OR1N1: variants seen among roughly 807,000 people sequenced by gnomAD.
The protein encoded by OR1N1 is olfactory receptor family 1 subfamily N member 1, also known as olfactory receptor 1N1.
For synonymous variants in OR1N1, 130 were observed against 151.2 expected (o/e 0.86, Z 1.03); for missense variants, 388 against 391.9 (o/e 0.99, Z 0.08).
Position 122,526,753 on chromosome 9 carries a change from G to A in OR1N1, c.541C>T (p.Pro181Ser). The change falls in exon 1 of 1, where the codon CCT (proline) becomes TCT (serine). Residue 181 changes from proline to serine, a missense_variant. Pro to Ser is a moderately conservative substitution (Grantham distance 74, BLOSUM62 -1). Transcript: ENST00000304880. ...EIAHFFCDIT[P>S]VLKLSCSDTH... ...TCAGAACATGACAGCTTCAGGACAGGAGTGATGTCACAGAAAAAGTGAGCA... is the reference window on the plus strand; with the variant it reads ...TCAGAACATGACAGCTTCAGGACAGAAGTGATGTCACAGAAAAAGTGAGCA... 1.2e-6 allele frequency: 2 copies of A among 1,614,148 alleles called. No individual in the cohort carries two copies. Among genetic ancestry groups the A allele is most frequent in the Non-Finnish European group, 1.7e-6 (2 of 1,180,012 alleles).
At position 122,526,523 on chromosome 9, in the gene OR1N1, G is replaced by A. The variant is rs550175192; in HGVS notation, c.771C>T (p.Tyr257=). The change falls in exon 1 of 1, where the codon TAC becomes TAT. Residue 257 remains tyrosine, a synonymous_variant. Transcript: ENST00000304880. ...CAGAGGCAATGGAGGGAGGACACAG[G>A]TAGGCACTGAAGAGGGTCCCATAGA... is the stretch of plus-strand genomic sequence containing the variant. The part of the protein sequence containing the change: ...CVFYGTLFSA[Y]LCPPSIASEE... 3.1e-6 allele frequency: 5 copies of A among 1,601,902 alleles called. No homozygotes were observed. The highest frequency in any genetic ancestry group is 4.3e-6 in the Non-Finnish European group (5 of 1,174,120).
rs1564187858 is a variant in OR1N1, at chr9:122,526,734, CAT to C, written c.558_559del (p.Cys187PhefsTer2). The C allele has an allele frequency of 6.2e-7, 1 of 1,614,138 alleles. No individual in the cohort carries two copies. Among genetic ancestry groups the C allele is most frequent in the Middle Eastern group, 1.6e-4 (1 of 6,062 alleles). ...CATCTCGTTGATGTGGGTGTCAGAA[CAT>C]GACAGCTTCAGGACAGGAGTGATGT... On this transcript the variant is annotated frameshift_variant, in exon 1 of 1. Coordinates refer to ENST00000304880, the MANE Select transcript of OR1N1 (RefSeq NM_012363.1). LOFTEE classifies it low-confidence loss of function (END_TRUNC).
rs200887356 is a variant in OR1N1 at position 122,527,125 on chromosome 9, T to G, written c.169A>C (p.Met57Leu). 6.2e-7 allele frequency: 1 copy of G among 1,614,054 alleles called. No homozygotes were observed. Residue 57 changes from methionine to leucine, a missense_variant, in exon 1 of 1, where the codon ATG becomes CTG. Physicochemically the swap from Met to Leu is conservative, Grantham distance 15. Transcript: ENST00000304880. ...IGSDLHLHTP[M>L]YFFLANLSFV... ...GACAGGTTGGCCAAGAAAAAGTACA[T>G]GGGGGTGTGGAGGTGCAGGTCAGAG...
chr9:122,527,129 G>A lies in OR1N1; in HGVS notation c.165C>T (p.Thr55=), dbSNP rs1390304600. ...GGTTGGCCAAGAAAAAGTACATGGG[G>A]GTGTGGAGGTGCAGGTCAGAGCCAA... ...LAIGSDLHLH[T]PMYFFLANLS... Residue 55 remains threonine, a synonymous_variant, in exon 1 of 1, where the codon ACC becomes ACT. Transcript: ENST00000304880. 1 of 1,614,092 alleles carries A rather than the reference G, an allele frequency of 6.2e-7. No individual in the cohort carries two copies. Among genetic ancestry groups the A allele is most frequent in the Non-Finnish European group, 8.5e-7 (1 of 1,180,048 alleles).
rs777215466 is a variant in OR1N1, at chr9:122,527,015, C to T, written c.279G>A (p.Thr93=). ...AGAAATACATTTGCGTGAGGCAACC[C>T]GTATAGGAGATGGTGTGATGCCGAG... ...IQTRHHTISY[T]GCLTQMYFFL... The change falls in exon 1 of 1, where the codon ACG becomes ACA. Residue 93 remains threonine, a synonymous_variant. Transcript: ENST00000304880. 6.8e-6 allele frequency: 11 copies of T among 1,614,110 alleles called. No homozygotes were observed. The highest frequency in any genetic ancestry group is 4.4e-5 in the South Asian group (4 of 91,086).
In OR1N1 at chr9:122,526,481, T is replaced by C. The variant is rs761477368; in HGVS notation, c.813A>G (p.Ala271=). Residue 271 remains alanine (A), a synonymous_variant, in exon 1 of 1, where the codon GCA becomes GCG. Coordinates refer to ENST00000304880, the MANE Select transcript of OR1N1 (RefSeq NM_012363.1). The part of the protein sequence containing the change: ...PSIASEEKDI[A]AAAMYTIVTP... ...TCACTATGGTGTACATTGCAGCTGCTGCAATGTCCTTCTCTTCAGAGGCAA... is the reference window on the plus strand; with the variant it reads ...TCACTATGGTGTACATTGCAGCTGCCGCAATGTCCTTCTCTTCAGAGGCAA... 8.3e-6 allele frequency: 13 copies of C among 1,571,474 alleles called. No homozygotes were observed. Among genetic ancestry groups the C allele is most frequent in the African/African-American group, 1.4e-5 (1 of 73,596 alleles).
chr9:122,526,359 T>C lies in OR1N1; in HGVS notation c.935A>G (p.Ter312TrpextTer?). 6.7e-7 allele frequency: 1 copy of C among 1,487,376 alleles called. No individual in the cohort carries two copies. The allele number at this position is 1,487,376 out of a possible 1,614,324, so 92.1% of individuals were successfully genotyped here. A position where few individuals can be genotyped will look rare whatever the true frequency, so the allele number is the denominator to read the frequency against. Reference sequence around the variant, plus strand: ...CATTAAATGTTGCTGTCACCACATCTAAGAGGAAACAATACTCCTGTGACT... The same window carrying C: ...CATTAAATGTTGCTGTCACCACATCCAAGAGGAAACAATACTCCTGTGACT... ...LFSHRSIVSS[*>W] The change falls in exon 1 of 1, where the codon TAG (stop) becomes TGG (tryptophan). Residue 312 changes from the stop codon to tryptophan (W), a stop_lost. Transcript: ENST00000304880.
In OR1N1 at chr9:122,526,450, T is replaced by C. The variant is rs1325401190; in HGVS notation, c.844A>G (p.Met282Val). ...AAAMYTIVTPMLNPFIYSLRN... is the reference protein window; with the variant it reads ...AAAMYTIVTPVLNPFIYSLRN... ...AGGCTATAGATAAAGGGGTTCAACA[T>C]GGGAGTCACTATGGTGTACATTGCA... Residue 282 changes from methionine (M) to valine (V), a missense_variant, in exon 1 of 1, where the codon ATG (methionine) becomes GTG (valine). Transcript: ENST00000304880. 3 of 1,537,850 alleles carry C rather than the reference T, an allele frequency of 2.0e-6. No individual in the cohort carries two copies. Among genetic ancestry groups the C allele is most frequent in the South Asian group, 2.6e-5 (2 of 76,808 alleles).
In OR1N1 at chr9:122,527,089, T is replaced by A; in HGVS notation, c.205A>T (p.Met69Leu). The A allele has an allele frequency of 6.2e-7, 1 of 1,614,172 alleles. No homozygotes were observed. Among genetic ancestry groups the A allele is most frequent in the Non-Finnish European group, 8.5e-7 (1 of 1,180,028 alleles). The change falls in exon 1 of 1, where the codon ATG becomes TTG. Residue 69 changes from methionine (M) to leucine (L), a missense_variant. Physicochemically the swap from Met to Leu is conservative, Grantham distance 15 (BLOSUM62 2). Coordinates refer to ENST00000304880, the MANE Select transcript of OR1N1 (RefSeq NM_012363.1). Reference sequence around the variant, plus strand: ...GTAACTGTGGAGGACGTTAAACCCATGTCAACAAAAGACAGGTTGGCCAAG... The same window carrying A: ...GTAACTGTGGAGGACGTTAAACCCAAGTCAACAAAAGACAGGTTGGCCAAG... Reference protein sequence around the residue: ...FFLANLSFVDMGLTSSTVTKM... With the variant: ...FFLANLSFVDLGLTSSTVTKM...
rs1219128685 is a variant in OR1N1 at position 122,527,047 on chromosome 9, T to C, written c.247A>G (p.Ile83Val). 1 of 1,614,046 alleles carries C rather than the reference T, an allele frequency of 6.2e-7. No individual in the cohort carries two copies. The highest frequency in any genetic ancestry group is 8.5e-7 in the Non-Finnish European group (1 of 1,180,028). ...GAGATGGTGTGATGCCGAGTCTGTA[T>C]ATTCACCAGCATCTTGGTAACTGTG... ...SSTVTKMLVNIQTRHHTISYT... is the reference protein window; with the variant it reads ...SSTVTKMLVNVQTRHHTISYT... The change falls in exon 1 of 1, where the codon ATA becomes GTA. Residue 83 changes from isoleucine to valine, a missense_variant. Transcript: ENST00000304880.
At position 122,526,441 on chromosome 9, in the gene OR1N1, G is replaced by A. The variant is rs201161748; in HGVS notation, c.853C>T (p.Pro285Ser). ...TTGTTCCTTAGGCTATAGATAAAGG[G>A]GTTCAACATGGGAGTCACTATGGTG... ...MYTIVTPMLN[P>S]FIYSLRNKDM... Residue 285 changes from proline (P) to serine (S), a missense_variant, in exon 1 of 1, where the codon CCC becomes TCC. Physicochemically the swap from Pro to Ser is moderately conservative, Grantham distance 74. Transcript: ENST00000304880. 5.4e-5 allele frequency: 83 copies of A among 1,530,868 alleles called. 3 individuals are homozygous for A. Among genetic ancestry groups the A allele is most frequent in the Non-Finnish European group, 1.9e-5 (22 of 1,141,912 alleles). The allele number at this position is 1,530,868 out of a possible 1,614,324, so 94.8% of individuals were successfully genotyped here.
Position 122,526,401 on chromosome 9 carries a change from G to A in OR1N1, c.893C>T (p.Ala298Val). The change falls in exon 1 of 1, where the codon GCC becomes GTC. Residue 298 changes from alanine (A) to valine (V), a missense_variant. By Grantham distance (64) the Ala-to-Val change is moderately conservative. Transcript: ENST00000304880. ...CCTGTGACTGAAGAGCCTCTTTAGGGCCCCCTTCATGTCCTTGTTCCTTAG... is the reference window on the plus strand; with the variant it reads ...CCTGTGACTGAAGAGCCTCTTTAGGACCCCCTTCATGTCCTTGTTCCTTAG... ...YSLRNKDMKG[A>V]LKRLFSHRSI... 6.6e-7 allele frequency: 1 copy of A among 1,509,912 alleles called. No individual in the cohort carries two copies. Among genetic ancestry groups the A allele is most frequent in the Non-Finnish European group, 8.8e-7 (1 of 1,130,858 alleles). 93.5% of individuals were successfully genotyped at this position (1,509,912 alleles called of 1,614,324 possible).
rs774176357 is a variant in OR1N1, at chr9:122,526,630, C to G, written c.664G>C (p.Ala222Pro). Residue 222 changes from alanine to proline, a missense_variant, in exon 1 of 1, where the codon GCT becomes CCT. Ala to Pro is a conservative substitution (Grantham distance 27). Coordinates refer to ENST00000304880, the MANE Select transcript of OR1N1 (RefSeq NM_012363.1). Reference protein sequence around the residue: ...IVTSYIHIVPAILRVRTRGGV... With the variant: ...IVTSYIHIVPPILRVRTRGGV... The stretch of plus-strand genomic sequence containing the variant: ...CCACGGGTTCGGACCCTCAGGATAG[C>G]TGGCACAATGTGGATGTAGGAGGTG... The G allele has an allele frequency of 3.7e-5, 59 of 1,614,044 alleles. No individual in the cohort carries two copies. Among genetic ancestry groups the G allele is most frequent in the Non-Finnish European group, 4.6e-5 (54 of 1,180,046 alleles).
In OR1N1 at chr9:122,526,511, G is replaced by C. The variant is rs1478220571; in HGVS notation, c.783C>G (p.Pro261=). Residue 261 remains proline, a synonymous_variant, in exon 1 of 1, where the codon CCC becomes CCG. Transcript: ENST00000304880. ...TGTCCTTCTCTTCAGAGGCAATGGAGGGAGGACACAGGTAGGCACTGAAGA... is the reference window on the plus strand; with the variant it reads ...TGTCCTTCTCTTCAGAGGCAATGGACGGAGGACACAGGTAGGCACTGAAGA... ...GTLFSAYLCP[P]SIASEEKDIA... is the part of the protein sequence containing the mutation. 13 of 1,593,854 alleles carry C rather than the reference G, an allele frequency of 8.2e-6. No homozygotes were observed. Among genetic ancestry groups the C allele is most frequent in the Non-Finnish European group, 1.0e-5 (12 of 1,170,292 alleles).
chr9:122,526,636 C>T lies in OR1N1; in HGVS notation c.658G>A (p.Val220Met), dbSNP rs1282940821. 3 of 1,614,018 alleles carry T rather than the reference C, an allele frequency of 1.9e-6. No homozygotes were observed. The highest frequency in any genetic ancestry group is 2.5e-6 in the Non-Finnish European group (3 of 1,180,032). Residue 220 changes from valine (V) to methionine (M), a missense_variant, in exon 1 of 1, where the codon GTG (valine) becomes ATG (methionine). Physicochemically the swap from Val to Met is conservative, Grantham distance 21. Transcript: ENST00000304880. ...LCIVTSYIHI[V>M]PAILRVRTRG... The stretch of plus-strand genomic sequence containing the variant: ...GTTCGGACCCTCAGGATAGCTGGCA[C>T]AATGTGGATGTAGGAGGTGACAATG...
rs953457147 is a variant in OR1N1, at chr9:122,526,545, T to C, written c.749A>G (p.Tyr250Cys). ...CAGGTAGGCACTGAAGAGGGTCCCATAGAACACACAAACAACGCAGAGGTG... is the reference window on the plus strand; with the variant it reads ...CAGGTAGGCACTGAAGAGGGTCCCACAGAACACACAAACAACGCAGAGGTG... ...SSHLCVVCVF[Y>C]GTLFSAYLCP... The change falls in exon 1 of 1, where the codon TAT (tyrosine) becomes TGT (cysteine). Residue 250 changes from tyrosine to cysteine, a missense_variant. Tyr to Cys is a radical substitution (Grantham distance 194). Coordinates refer to ENST00000304880, the MANE Select transcript of OR1N1 (RefSeq NM_012363.1). The C allele has an allele frequency of 3.7e-6, 6 of 1,611,262 alleles. No homozygotes were observed. Among genetic ancestry groups the C allele is most frequent in the Non-Finnish European group, 5.1e-6 (6 of 1,178,656 alleles).
At position 122,527,086 on chromosome 9, in the gene OR1N1, C is replaced by G; in HGVS notation, c.208G>C (p.Gly70Arg). ...FLANLSFVDM[G>R]LTSSTVTKML... Reference sequence around the variant, plus strand: ...TTGGTAACTGTGGAGGACGTTAAACCCATGTCAACAAAAGACAGGTTGGCC... The same window carrying G: ...TTGGTAACTGTGGAGGACGTTAAACGCATGTCAACAAAAGACAGGTTGGCC... Residue 70 changes from glycine to arginine, a missense_variant, in exon 1 of 1, where the codon GGT becomes CGT. Coordinates refer to ENST00000304880, the MANE Select transcript of OR1N1 (RefSeq NM_012363.1). 1 of 1,614,132 alleles carries G rather than the reference C, an allele frequency of 6.2e-7. No individual in the cohort carries two copies. The highest frequency in any genetic ancestry group is 8.5e-7 in the Non-Finnish European group (1 of 1,180,014).
rs769185527 is a variant in OR1N1 at position 122,527,051 on chromosome 9, C to T, written c.243G>A (p.Val81=). The T allele has an allele frequency of 3.7e-6, 6 of 1,614,164 alleles. No individual in the cohort carries two copies. Among genetic ancestry groups the T allele is most frequent in the Non-Finnish European group, 5.1e-6 (6 of 1,180,020 alleles). ...TGGTGTGATGCCGAGTCTGTATATTCACCAGCATCTTGGTAACTGTGGAGG... is the reference window on the plus strand; with the variant it reads ...TGGTGTGATGCCGAGTCTGTATATTTACCAGCATCTTGGTAACTGTGGAGG... The part of the protein sequence containing the change: ...LTSSTVTKML[V]NIQTRHHTIS... The change falls in exon 1 of 1, where the codon GTG becomes GTA. Residue 81 remains valine (V), a synonymous_variant. Coordinates refer to ENST00000304880, the MANE Select transcript of OR1N1 (RefSeq NM_012363.1).
At position 122,527,095 on chromosome 9, in the gene OR1N1, CA is replaced by C. The variant is rs755867486; in HGVS notation, c.198del (p.Phe66LeufsTer6). Reference protein sequence around the residue: ...PMYFFLANLSFVDMGLTSSTV... With the variant: ...PMYFFLANLSXVDMGLTSSTV... ...GTGGAGGACGTTAAACCCATGTCAA[CA>C]AAAGACAGGTTGGCCAAGAAAAAGT... On this transcript the variant is annotated frameshift_variant, in exon 1 of 1. Coordinates refer to ENST00000304880, the MANE Select transcript of OR1N1 (RefSeq NM_012363.1). LOFTEE classifies it low-confidence loss of function (END_TRUNC). 1 of 1,614,184 alleles carries C rather than the reference CA, an allele frequency of 6.2e-7. No individual in the cohort carries two copies. The highest frequency in any genetic ancestry group is 1.1e-5 in the South Asian group (1 of 91,082).
Sources: allele counts gnomAD v4.1 joint callset, GRCh38; gene constraint gnomAD v4.1.1; transcripts MANE v1.5; gene names NCBI Gene and HGNC (gene_info 2026-07-23, HGNC 2026-07-21).